EIF4EBP1: variants seen among roughly 807,000 people sequenced by gnomAD.
EIF4EBP1 encodes the protein eukaryotic translation initiation factor 4E binding protein 1.
EIF4EBP1 carries 5 observed loss-of-function variants against 9.2 expected under a neutral mutation model. The ratio of observed to expected loss-of-function variants is 0.54; its 90% CI spans 0.28 to 1.14. EIF4EBP1 has a LOEUF of 1.14. EIF4EBP1 is among the 50% of genes most tolerant of loss of function. The probability of loss-of-function intolerance (pLI) is 0.09; values close to 1 mark genes in which losing one functional copy is unlikely to be tolerated. For synonymous variants in EIF4EBP1, 62 were observed against 67.0 expected (o/e 0.93, Z 0.36); for missense variants, 139 against 169.6 (o/e 0.82, Z 1.00).
Position 38,049,110 on chromosome 8 carries a change from A to C in EIF4EBP1, c.146-7971A>C, listed in dbSNP as rs192291840. Among the ~76,000 whole-genome samples the C allele has an allele frequency of 2.8e-3, 415 of 150,574 alleles. 1 individual carries two copies. The highest frequency in any genetic ancestry group is 9.2e-3 in the African/African-American group (378 of 41,088). ...ATTGCACTCCATCCTGGGCAACAAG[A>C]GCGAAACTCCGTCTCAAAAAAAAAA... On this transcript the variant is annotated intron_variant, in intron 1 of 2. Coordinates refer to ENST00000338825, the MANE Select transcript of EIF4EBP1 (RefSeq NM_004095.4).
At chr8:38,055,600 A>C (rs1292933592) in intron 1 of EIF4EBP1, among the ~76,000 whole-genome samples, 1 of 150,840 alleles carries the variant, frequency 6.6e-6, no homozygotes, top group African/African-American at 2.4e-5. Flanking sequence ...TTATTATAGA[A>C]TCTATAATAT....
chr8:38,032,015 T>C (rs1809231701), intron 1 of EIF4EBP1, among the ~76,000 whole-genome samples: 1 of 152,242 alleles, frequency 6.6e-6, no homozygotes, highest in Non-Finnish European at 1.5e-5. Flanking sequence ...TCTTTTGTAG[T>C]CCATGCTGTT....
intron 1 of EIF4EBP1, among the ~76,000 whole-genome samples, chr8:38,044,108 C>T (rs141302931): frequency 6.6e-6 from 1 of 152,020 alleles, no homozygotes; most frequent in Non-Finnish European, 1.5e-5. Context: ...GGACCTCCCC[C>T]ACCCCGGCCC....
At chr8:38,033,990 C>A (rs1045985387) in intron 1 of EIF4EBP1, among the ~76,000 whole-genome samples, 23 of 152,064 alleles carry the variant, frequency 1.5e-4, no homozygotes, top group African/African-American at 5.3e-4. Context: ...TCGTGATCCG[C>A]CTGCATTGGC....
chr8:38,031,298 G>A (rs1012453264), intron 1 of EIF4EBP1, among the ~76,000 whole-genome samples: 12 of 152,156 alleles, frequency 7.9e-5, no homozygotes, highest in African/African-American at 2.4e-4. Flanking sequence ...CCGCGGGGGG[G>A]ACCCTGGCGC....
intron 1 of EIF4EBP1, among the ~76,000 whole-genome samples, chr8:38,044,444 A>G (rs142380767): frequency 6.6e-6 from 1 of 152,096 alleles, no homozygotes; most frequent in African/African-American, 2.4e-5. Context: ...TACTAATTTT[A>G]TTTTATTTTG....
chr8:38,032,754 A>G (rs1441425965), intron 1 of EIF4EBP1, among the ~76,000 whole-genome samples: 1 of 152,224 alleles, frequency 6.6e-6, no homozygotes, highest in Non-Finnish European at 1.5e-5. Flanking sequence ...GAGCAGGTAC[A>G]GCTCACAGTC....
At chr8:38,046,272 A>AC (rs1242333113) in intron 1 of EIF4EBP1, among the ~76,000 whole-genome samples, 12 of 151,022 alleles carry the variant, frequency 7.9e-5, no homozygotes, top group East Asian at 3.9e-4. Flanking sequence ...CTGGTCTTGA[A>AC]CCCCCCCATT....
At chr8:38,040,866 CTGTTGTTGTTGTTGT>C (rs3067026) in intron 1 of EIF4EBP1, among the ~76,000 whole-genome samples, 5 of 151,458 alleles carry the variant, frequency 3.3e-5, no homozygotes, top group Non-Finnish European at 4.4e-5. Context: ...AAATACATGC[CTGTTGTTGTTGTTGT>C]TGTTGTTGTT....
intron 1 of EIF4EBP1, among the ~76,000 whole-genome samples, chr8:38,053,384 CGCGATCTCA>C (rs1469546392): frequency 1.3e-5 from 2 of 152,032 alleles, no homozygotes; most frequent in Non-Finnish European, 2.9e-5. Context: ...AGGGCAGCGG[CGCGATCTCA>C]GCTCACTGGA....
chr8:38,031,644 C>G (rs1382616390), intron 1 of EIF4EBP1, among the ~76,000 whole-genome samples: 1 of 152,198 alleles, frequency 6.6e-6, no homozygotes, highest in Non-Finnish European at 1.5e-5. Context: ...CGCGACAGAT[C>G]CTGGCGCTTG....
At chr8:38,031,298 G>C (rs1012453264) in intron 1 of EIF4EBP1, among the ~76,000 whole-genome samples, 2 of 152,156 alleles carry the variant, frequency 1.3e-5, no homozygotes, top group Non-Finnish European at 2.9e-5. Flanking sequence ...CCGCGGGGGG[G>C]ACCCTGGCGC....
chr8:38,039,609 G>A (rs1451852986), intron 1 of EIF4EBP1, among the ~76,000 whole-genome samples: 3 of 151,818 alleles, frequency 2.0e-5, no homozygotes, highest in African/African-American at 7.3e-5. Flanking sequence ...TCACCATGTT[G>A]GCCAGGCTGG....
At chr8:38,032,644 G>C in intron 1 of EIF4EBP1, among the ~76,000 whole-genome samples, 1 of 152,212 alleles carries the variant, frequency 6.6e-6, no homozygotes, top group East Asian at 1.9e-4. Context: ...GAGTGGGGAA[G>C]GGACTTCTGC....
chr8:38,039,440 C>G lies in EIF4EBP1; in HGVS notation c.145+8722C>G, dbSNP rs374706820. On this transcript the variant is annotated intron_variant, in intron 1 of 2. Coordinates refer to ENST00000338825, the MANE Select transcript of EIF4EBP1 (RefSeq NM_004095.4). ...TTTTTTTTTGAGTTGGAGTGTTGCT[C>G]TATCGCCCAGGCTGGAGTGCAGTGG... Among the ~76,000 whole-genome samples, 17 of 121,492 alleles carry G rather than the reference C, an allele frequency of 1.4e-4. No homozygotes were observed. In the East Asian group the frequency reaches 2.9e-3, roughly 21 times the overall value. 79.7% of individuals were successfully genotyped at this position (121,492 alleles called of 152,430 possible).
intron 1 of EIF4EBP1, among the ~76,000 whole-genome samples, chr8:38,055,779 G>A (rs1456640691): frequency 3.3e-5 from 5 of 152,030 alleles, no homozygotes; most frequent in African/African-American, 7.2e-5. Flanking sequence ...GGCAGATCAC[G>A]AGGTCAAGAG....
intron 1 of EIF4EBP1, among the ~76,000 whole-genome samples, chr8:38,033,421 G>C (rs893620254): frequency 2.0e-4 from 31 of 151,304 alleles, no homozygotes; most frequent in African/African-American, 7.5e-4. Context: ...ACCACACTCT[G>C]AGTACTCAGG....
intron 1 of EIF4EBP1, among the ~76,000 whole-genome samples, chr8:38,033,888 A>T (rs1034874767): frequency 2.0e-5 from 3 of 151,656 alleles, no homozygotes; most frequent in Non-Finnish European, 4.4e-5. Flanking sequence ...CTGGGACTAC[A>T]GGCGCCCGCG....
intron 1 of EIF4EBP1, among the ~76,000 whole-genome samples, chr8:38,056,721 A>G (rs1352205638): frequency 2.0e-5 from 3 of 149,930 alleles, no homozygotes; most frequent in Admixed American, 6.7e-5. Context: ...GCTGGTGTAC[A>G]GTGGTGCAAT....
Sources: allele counts gnomAD v4.1 joint callset (sites outside exome capture counted in the v4.1 genomes callset), GRCh38; gene constraint gnomAD v4.1.1; transcripts MANE v1.5; gene names NCBI Gene and HGNC (gene_info 2026-07-23, HGNC 2026-07-21).